MACROD2: variants seen among roughly 807,000 people sequenced by gnomAD.
MACROD2 encodes the protein mono-ADP ribosylhydrolase 2.
A neutral mutation model predicts 70.4 loss-of-function variants in MACROD2; 36 were observed. The ratio of observed to expected loss-of-function variants is 0.51; its 90% CI spans 0.39 to 0.68. The LOEUF (loss-of-function observed/expected upper bound fraction) is 0.68, where lower values mean the gene tolerates loss of function less well. MACROD2 is among the 30% of genes least tolerant of loss of function. The pLI is 0.00. For missense variants in MACROD2, 496 were observed against 538.4 expected, an observed-to-expected ratio of 0.92 and a Z score of 0.78; for synonymous variants, 172 against 178.8, an observed-to-expected ratio of 0.96 and a Z score of 0.30.
intron 6 of MACROD2, among the ~76,000 whole-genome samples, chr20:15,289,472 C>T (rs2146104085): frequency 6.6e-6 from 1 of 152,252 alleles, no homozygotes; most frequent in African/African-American, 2.4e-5. Flanking sequence ...CTTCAAAGAA[C>T]AAACTTAAAC....
chr20:15,738,728 G>C (rs1226019559), intron 8 of MACROD2, among the ~76,000 whole-genome samples: 1 of 152,106 alleles, frequency 6.6e-6, no homozygotes, highest in African/African-American at 2.4e-5. Context: ...AATCCCAGAA[G>C]TTGAGGCACA....
At chr20:15,127,857 G>A (rs2076077769) in intron 5 of MACROD2, among the ~76,000 whole-genome samples, 1 of 152,068 alleles carries the variant, frequency 6.6e-6, no homozygotes, top group Non-Finnish European at 1.5e-5. Flanking sequence ...TACAGAGGGT[G>A]GGGATAATTA....
intron 3 of MACROD2, among the ~76,000 whole-genome samples, chr20:14,353,298 A>G (rs1016196066): frequency 1.3e-5 from 2 of 152,180 alleles, no homozygotes; most frequent in African/African-American, 4.8e-5. Flanking sequence ...CTCATCTGTT[A>G]TAATTAATAG....
At chr20:15,832,722 G>A (rs2064070248) in intron 8 of MACROD2, among the ~76,000 whole-genome samples, 2 of 152,212 alleles carry the variant, frequency 1.3e-5, no homozygotes, top group Admixed American at 1.3e-4. Context: ...AGCCGAGGGT[G>A]AAGAGACAAG....
intron 6 of MACROD2, among the ~76,000 whole-genome samples, chr20:15,265,794 GA>G (rs943041633): frequency 1.7e-4 from 25 of 151,252 alleles, no homozygotes; most frequent in South Asian, 6.3e-4. Context: ...TTAACCAAAA[GA>G]AAAAAAAAGT....
intron 5 of MACROD2, among the ~76,000 whole-genome samples, chr20:15,004,787 A>G (rs911636196): frequency 4.6e-5 from 7 of 152,216 alleles, no homozygotes; most frequent in Admixed American, 1.3e-4. Context: ...GTTAAATGCA[A>G]CTTATTTGTC....
chr20:15,592,559 G>A (rs771841152), intron 8 of MACROD2, among the ~76,000 whole-genome samples: 21 of 152,152 alleles, frequency 1.4e-4, no homozygotes, highest in Non-Finnish European at 2.1e-4. Flanking sequence ...TAAAAGATTC[G>A]TCCTTGCCTT....
At chr20:15,192,656 CTCTG>C (rs1230382926) in intron 5 of MACROD2, among the ~76,000 whole-genome samples, 1 of 152,156 alleles carries the variant, frequency 6.6e-6, no homozygotes, top group South Asian at 2.1e-4. Flanking sequence ...TCCTGGATTA[CTCTG>C]TCTGTATCTC....
rs112697412 is a variant in MACROD2, at chr20:15,978,072, A to G, written c.986-8655A>G. On this transcript the variant is annotated intron_variant, in intron 13 of 17. Coordinates refer to ENST00000684519, the MANE Select transcript of MACROD2 (RefSeq NM_001351661.2). ...TCTAGGCCAGTGCTTCTCAAGGTTT[A>G]ACTTGCATGCAAATCACATGGACAT... 4.6e-5 allele frequency among the ~76,000 whole-genome samples: 7 copies of G among 152,358 alleles called. 1 individual carries two copies. Among genetic ancestry groups the G allele is most frequent in the African/African-American group, 1.7e-4 (7 of 41,588 alleles).
chr20:15,276,894 C>T (rs1011619602), intron 6 of MACROD2, among the ~76,000 whole-genome samples: 12 of 152,108 alleles, frequency 7.9e-5, no homozygotes, highest in African/African-American at 2.7e-4. Context: ...CAGTGATTGG[C>T]GTAATTTATC....
intron 3 of MACROD2, among the ~76,000 whole-genome samples, chr20:14,159,408 CAT>C (rs1350266636): frequency 3.3e-5 from 5 of 152,074 alleles, no homozygotes; most frequent in African/African-American, 1.2e-4. Context: ...GAATTTCTTT[CAT>C]AGTTTTATAG....
chr20:15,746,602 C>A (rs982909139), intron 8 of MACROD2, among the ~76,000 whole-genome samples: 1 of 146,858 alleles, frequency 6.8e-6, no homozygotes, highest in Non-Finnish European at 1.5e-5. Flanking sequence ...AAACTTTCAT[C>A]ATTTTATAAT....
intron 8 of MACROD2, among the ~76,000 whole-genome samples, chr20:15,787,224 G>A (rs369379262): frequency 1.9e-3 from 293 of 152,132 alleles, no homozygotes; most frequent in African/African-American, 5.6e-3. Flanking sequence ...TGCCTGCCTC[G>A]GCCTCCCAAA....
intron 3 of MACROD2, among the ~76,000 whole-genome samples, chr20:14,367,789 G>C (rs2083286105): frequency 1.3e-5 from 2 of 151,796 alleles, no homozygotes; most frequent in Non-Finnish European, 2.9e-5. Flanking sequence ...TGAGCTTCTT[G>C]AATGTGTGCA....
intron 6 of MACROD2, among the ~76,000 whole-genome samples, chr20:15,248,625 C>T (rs992185190): frequency 6.6e-6 from 1 of 152,150 alleles, no homozygotes; most frequent in Admixed American, 6.5e-5. Flanking sequence ...ATCCAACTAC[C>T]TGGTGGAAAA....
chr20:15,016,747 G>C (rs2075124708), intron 5 of MACROD2, among the ~76,000 whole-genome samples: 1 of 152,232 alleles, frequency 6.6e-6, no homozygotes, highest in African/African-American at 2.4e-5. Context: ...ATAATGGTGG[G>C]AGGCAAAACG....
intron 8 of MACROD2, among the ~76,000 whole-genome samples, chr20:15,523,747 A>G (rs1252454349): frequency 6.6e-6 from 1 of 152,144 alleles, no homozygotes; most frequent in Admixed American, 6.5e-5. Flanking sequence ...TCTGTTTCAT[A>G]TTGTGGGAAA....
intron 2 of MACROD2, among the ~76,000 whole-genome samples, chr20:14,015,841 G>C (rs1049207798): frequency 1.3e-5 from 2 of 152,198 alleles, no homozygotes; most frequent in African/African-American, 4.8e-5. Flanking sequence ...TTATTACACT[G>C]TATGTGTATA....
At chr20:14,179,362 A>C (rs1400276550) in intron 3 of MACROD2, among the ~76,000 whole-genome samples, 11 of 152,176 alleles carry the variant, frequency 7.2e-5, no homozygotes, top group Admixed American at 7.2e-4. Flanking sequence ...TAACATAATA[A>C]ATCTTTTTAC....
Sources: allele counts gnomAD v4.1 joint callset (sites outside exome capture counted in the v4.1 genomes callset), GRCh38; gene constraint gnomAD v4.1.1; transcripts MANE v1.5; gene names NCBI Gene and HGNC (gene_info 2026-07-23, HGNC 2026-07-21).